The following SORCS2 variants were observed in gnomAD, a reference collection of about 807,000 sequenced individuals.
SORCS2 encodes the protein VPS10 domain-containing receptor SorCS2.
A neutral mutation model predicts 141.6 loss-of-function variants in SORCS2; 100 were observed. The observed-to-expected ratio is 0.71, with a 90% CI of 0.60 to 0.83. The LOEUF (loss-of-function observed/expected upper bound fraction) is 0.83, where lower values mean the gene tolerates loss of function less well. SORCS2 is among the 40% of genes least tolerant of loss of function. SORCS2 has a pLI of 0.00. For missense variants in SORCS2, 1,646 were observed against 1,560.2 expected (o/e 1.05, Z -0.93); for synonymous variants, 789 against 676.9 (o/e 1.17, Z -2.57).
At chr4:7,541,330 G>A (rs1364785124) in intron 3 of SORCS2, among the ~76,000 whole-genome samples, 1 of 152,240 alleles carries the variant, frequency 6.6e-6, no homozygotes. Flanking sequence ...GGCACATGCT[G>A]GGGCTGCCAC....
chr4:7,659,242 C>T (rs1181432944), intron 5 of SORCS2, among the ~76,000 whole-genome samples: 3 of 151,186 alleles, frequency 2.0e-5, no homozygotes, highest in Non-Finnish European at 4.4e-5. Flanking sequence ...GTTTGAGAAA[C>T]CCTGGACCAG....
At chr4:7,484,619 G>A (rs1730860422) in intron 2 of SORCS2, among the ~76,000 whole-genome samples, 1 of 152,112 alleles carries the variant, frequency 6.6e-6, no homozygotes, top group African/African-American at 2.4e-5. Context: ...AGCTCTGCAA[G>A]CAATTCCTCT....
rs529653300 is a variant in SORCS2, at chr4:7,741,545, C to T, written c.*1281C>T. 8 of 309,346 alleles carry T rather than the reference C, an allele frequency of 2.6e-5. No individual in the cohort carries two copies. The highest frequency in any genetic ancestry group is 2.0e-4 in the Admixed American group (4 of 19,864). 19.2% of individuals were successfully genotyped at this position (309,346 alleles called of 1,614,324 possible). ...CTCTCTGGCAGGGATCTCAGATGACCGTGGCCTCCCTCTCAGAGGGGGAGA... is the reference window on the plus strand; with the variant it reads ...CTCTCTGGCAGGGATCTCAGATGACTGTGGCCTCCCTCTCAGAGGGGGAGA... On this transcript the variant is annotated 3_prime_UTR_variant, in exon 27 of 27. Coordinates refer to ENST00000507866, the MANE Select transcript of SORCS2 (RefSeq NM_020777.3).
chr4:7,397,984 T>C (rs917602995), intron 2 of SORCS2, among the ~76,000 whole-genome samples: 1 of 152,186 alleles, frequency 6.6e-6, no homozygotes, highest in Non-Finnish European at 1.5e-5. Context: ...CTCACAAGTT[T>C]CCAGAGTACC....
At chr4:7,566,499 G>A (rs1485463583) in intron 3 of SORCS2, among the ~76,000 whole-genome samples, 1 of 152,206 alleles carries the variant, frequency 6.6e-6, no homozygotes, top group Non-Finnish European at 1.5e-5. Flanking sequence ...CTTTACAGAT[G>A]AGGAAACTGA....
intron 1 of SORCS2, among the ~76,000 whole-genome samples, chr4:7,266,385 C>A (rs576227573): frequency 6.6e-6 from 1 of 152,290 alleles, no homozygotes; most frequent in South Asian, 2.1e-4. Flanking sequence ...AGGGCTGAAG[C>A]GCCCCTCATT....
At chr4:7,708,734 C>G (rs938567763) in intron 14 of SORCS2, among the ~76,000 whole-genome samples, 1 of 152,190 alleles carries the variant, frequency 6.6e-6, no homozygotes, top group South Asian at 2.1e-4. Flanking sequence ...TGACTTCAGG[C>G]CATTCTCATA....
At chr4:7,688,196 A>G (rs867041479) in intron 10 of SORCS2, among the ~76,000 whole-genome samples, 20 of 152,180 alleles carry the variant, frequency 1.3e-4, no homozygotes, top group African/African-American at 4.8e-4. Context: ...CTCTGACGTG[A>G]TGTTAGTAGA....
Position 7,703,389 on chromosome 4 carries a change from C to G in SORCS2, c.1760+18C>G, listed in dbSNP as rs769052498. On this transcript the variant is annotated intron_variant, in intron 13 of 26. Coordinates refer to ENST00000507866, the MANE Select transcript of SORCS2 (RefSeq NM_020777.3). ...ATCCTCAAGTAATGGCGTCTGCTAG[C>G]CCCGGGGCAGGGAGGGCAGGCTGGG... The G allele has an allele frequency of 1.1e-5, 18 of 1,605,050 alleles. 1 individual carries two copies. The Middle Eastern group carries it at 9.9e-4, about 89-fold the overall frequency.
At position 7,484,165 on chromosome 4, in the gene SORCS2, G is replaced by T. The variant is rs571035623; in HGVS notation, c.549-47365G>T. On this transcript the variant is annotated intron_variant, in intron 2 of 26. Coordinates refer to ENST00000507866, the MANE Select transcript of SORCS2 (RefSeq NM_020777.3). ...TAAAGTTATCCATCCCAGCGGTCCC[G>T]GTAATCTACTCTCAAAAACCTTCCC... Among the ~76,000 whole-genome samples the T allele has an allele frequency of 2.0e-5, 3 of 152,274 alleles. No individual in the cohort carries two copies. In the East Asian group the frequency reaches 5.8e-4, roughly 29 times the overall value.
chr4:7,452,269 T>A (rs1181013997), intron 2 of SORCS2, among the ~76,000 whole-genome samples: 2 of 151,974 alleles, frequency 1.3e-5, no homozygotes, highest in Admixed American at 6.6e-5. Flanking sequence ...GCCTCCTGAG[T>A]GGCTGGGATT....
At chr4:7,492,515 T>G (rs1731377982) in intron 2 of SORCS2, among the ~76,000 whole-genome samples, 1 of 152,172 alleles carries the variant, frequency 6.6e-6, no homozygotes, top group Non-Finnish European at 1.5e-5. Context: ...AACGCAGGAG[T>G]ACAGGGACCT....
chr4:7,488,234 G>A (rs1034300050), intron 2 of SORCS2, among the ~76,000 whole-genome samples: 2 of 152,178 alleles, frequency 1.3e-5, no homozygotes, highest in Non-Finnish European at 2.9e-5. Flanking sequence ...CAGTTCTGCT[G>A]TCCTGTTTTG....
chr4:7,592,567 A>C (rs1446808290), intron 3 of SORCS2, among the ~76,000 whole-genome samples: 1 of 152,230 alleles, frequency 6.6e-6, no homozygotes, highest in African/African-American at 2.4e-5. Context: ...ACTTCAGGCT[A>C]GGACCATGAA....
chr4:7,411,989 G>A (rs1254519909), intron 2 of SORCS2, among the ~76,000 whole-genome samples: 5 of 152,176 alleles, frequency 3.3e-5, no homozygotes, highest in African/African-American at 1.2e-4. Context: ...ACCATCCCTA[G>A]CATGTATGCT....
intron 6 of SORCS2, among the ~76,000 whole-genome samples, chr4:7,662,483 G>A (rs539691804): frequency 6.6e-6 from 1 of 152,156 alleles, no homozygotes; most frequent in Non-Finnish European, 1.5e-5. Context: ...TCCAGGGCCT[G>A]CAACTCCTTG....
intron 1 of SORCS2, among the ~76,000 whole-genome samples, chr4:7,267,083 T>G (rs1714787395): frequency 6.6e-6 from 1 of 152,064 alleles, no homozygotes; most frequent in South Asian, 2.1e-4. Context: ...AAGCACGAAA[T>G]AGTTTCTCAA....
intron 3 of SORCS2, among the ~76,000 whole-genome samples, chr4:7,532,466 C>T (rs953400193): frequency 6.6e-6 from 1 of 152,228 alleles, no homozygotes; most frequent in African/African-American, 2.4e-5. Context: ...CCCCTGTGCT[C>T]AGCTCTAATG....
intron 1 of SORCS2, among the ~76,000 whole-genome samples, chr4:7,253,625 TCAGGGGCCCA>T (rs1713652838): frequency 6.6e-6 from 1 of 152,120 alleles, no homozygotes; most frequent in Non-Finnish European, 1.5e-5. Context: ...TAGGAAGGAT[TCAGGGGCCCA>T]CAGGGTCACT....
Sources: allele counts gnomAD v4.1 joint callset (sites outside exome capture counted in the v4.1 genomes callset), GRCh38; gene constraint gnomAD v4.1.1; transcripts MANE v1.5; gene names NCBI Gene and HGNC (gene_info 2026-07-23, HGNC 2026-07-21).